Variants in DCAF5 observed in about 807,000 individuals in gnomAD.
DCAF5 encodes the protein DDB1 and CUL4 associated factor 5, also known as DDB1- and CUL4-associated factor 5.
A neutral mutation model predicts 80.7 loss-of-function variants in DCAF5; 9 were observed. The ratio of observed to expected loss-of-function variants is 0.11; its 90% CI spans 0.07 to 0.19. The LOEUF is 0.19. DCAF5 is among the 10% of genes least tolerant of loss of function. The pLI, the probability that DCAF5 is intolerant of heterozygous loss-of-function variation, is 1.00. For synonymous variants in DCAF5, 433 were observed against 461.9 expected (o/e 0.94, Z 0.80); for missense variants, 842 against 1,205.7 (o/e 0.70, Z 4.47).
intron 7 of DCAF5, among the ~76,000 whole-genome samples, chr14:69,066,228 G>A (rs1400314487): frequency 2.0e-5 from 3 of 151,256 alleles, no homozygotes; most frequent in African/African-American, 7.3e-5. Context: ...TCCTCCTCCT[G>A]GGTTCAAGCA....
rs181838625 is a variant in DCAF5 at position 69,076,187 on chromosome 14, G to T, written c.880-776C>A. On this transcript the variant is annotated intron_variant, in intron 6 of 8. Coordinates refer to ENST00000341516, the MANE Select transcript of DCAF5 (RefSeq NM_003861.3). ...TGAGAACCCTTGTGCATTGCTGGTG[G>T]GAATGACTAACGAACGGTGCAACTG... is the stretch of plus-strand genomic sequence containing the variant. Among the ~76,000 whole-genome samples the T allele has an allele frequency of 2.8e-3, 429 of 152,230 alleles. 4 individuals carry two copies. The highest frequency in any genetic ancestry group is 9.7e-3 in the African/African-American group (402 of 41,542).
chr14:69,130,521 TGTAATTAATA>T (rs2041010738), intron 1 of DCAF5, among the ~76,000 whole-genome samples: 1 of 152,158 alleles, frequency 6.6e-6, no homozygotes, highest in Non-Finnish European at 1.5e-5. Context: ...ATTACATGAA[TGTAATTAATA>T]CCACTGAACA....
chr14:69,140,198 C>T (rs1351366309), intron 1 of DCAF5, among the ~76,000 whole-genome samples: 1 of 151,300 alleles, frequency 6.6e-6, no homozygotes, highest in Non-Finnish European at 1.5e-5. Context: ...ACCCGGGAGG[C>T]GGAGGTTGCA....
intron 6 of DCAF5, among the ~76,000 whole-genome samples, chr14:69,076,676 TGAA>T (rs1324794977): frequency 6.6e-6 from 1 of 152,188 alleles, no homozygotes; most frequent in South Asian, 2.1e-4. Context: ...TCTGGGATGA[TGAA>T]GAAGTTCTGA....
chr14:69,062,615 G>A (rs2038261493), intron 7 of DCAF5, 104 bp from the exon 8 acceptor site: 4 of 1,290,698 alleles, frequency 3.1e-6, no homozygotes, highest in Non-Finnish European at 3.2e-6. Context: ...AAAGATTTTT[G>A]GATTATACCA....
At chr14:69,096,304 G>A (rs907225666) in intron 5 of DCAF5, among the ~76,000 whole-genome samples, 3 of 152,210 alleles carry the variant, frequency 2.0e-5, no homozygotes, top group Middle Eastern at 3.4e-3. Flanking sequence ...CAGAACTGTC[G>A]GACAACCAAC....
chr14:69,130,003 C>G (rs908673591), intron 1 of DCAF5, among the ~76,000 whole-genome samples: 6 of 152,232 alleles, frequency 3.9e-5, no homozygotes, highest in African/African-American at 1.4e-4. Flanking sequence ...ATTGTGGCAG[C>G]AGCTTTGTAG....
chr14:69,055,394 C>A lies in DCAF5; in HGVS notation c.1292G>T (p.Ser431Ile). The change falls in exon 9 of 9, where the codon AGC (serine) becomes ATC (isoleucine). Residue 431 changes from serine to isoleucine, a missense_variant. This residue lies in a region of DCAF5 where 607 missense variants were observed against 656.6 expected (regional missense o/e 0.92). Transcript: ENST00000341516. The surrounding 1 kb of genome is among the most constrained non-coding windows in gnomAD (Gnocchi z 5.6). ...ACTGAGGTCACTGTCTGAGTCAGAG[C>A]TCCAGCCCTCGATCTCTCGGCGTAC... is the stretch of plus-strand genomic sequence containing the variant. Reference protein sequence around the residue: ...SLVRREIEGWSSDSDSDLSES... With the variant: ...SLVRREIEGWISDSDSDLSES... 6.2e-7 allele frequency: 1 copy of A among 1,614,166 alleles called. No individual in the cohort carries two copies. The highest frequency in any genetic ancestry group is 8.5e-7 in the Non-Finnish European group (1 of 1,180,028).
At chr14:69,148,927 C>G (rs1180776329) in intron 1 of DCAF5, among the ~76,000 whole-genome samples, 2 of 152,186 alleles carry the variant, frequency 1.3e-5, no homozygotes, top group Non-Finnish European at 2.9e-5. Flanking sequence ...ACTTTCCACA[C>G]CACATTGTGC....
At chr14:69,103,157 A>G (rs549160234) in intron 5 of DCAF5, among the ~76,000 whole-genome samples, 1 of 152,274 alleles carries the variant, frequency 6.6e-6, no homozygotes, top group Admixed American at 6.5e-5. Flanking sequence ...AATGAGTGAA[A>G]AGTCCAGTTG....
intron 6 of DCAF5, among the ~76,000 whole-genome samples, chr14:69,076,275 A>G (rs1482944118): frequency 6.6e-6 from 1 of 152,232 alleles, no homozygotes; most frequent in Non-Finnish European, 1.5e-5. Context: ...ATGATGCAGC[A>G]ATTACAATCC....
chr14:69,122,643 T>C (rs2040756787), intron 1 of DCAF5, among the ~76,000 whole-genome samples: 2 of 152,196 alleles, frequency 1.3e-5, no homozygotes, highest in African/African-American at 4.8e-5. Context: ...TTCCTGTCTT[T>C]CCAGAGTTGT....
intron 5 of DCAF5, among the ~76,000 whole-genome samples, chr14:69,107,036 T>G (rs960685345): frequency 2.8e-5 from 4 of 143,262 alleles, no homozygotes; most frequent in African/African-American, 1.0e-4. Context: ...AGCAAGACTT[T>G]GTCTCAAAAA....
Position 69,052,903 on chromosome 14 carries a change from C to T in DCAF5, c.*954G>A, listed in dbSNP as rs1365914204. 6.6e-6 allele frequency: 1 copy of T among 152,240 alleles called. No individual in the cohort carries two copies. The allele number at this position is 152,240 out of a possible 1,614,324, so 9.4% of individuals were successfully genotyped here. A position where few individuals can be genotyped will look rare whatever the true frequency, so the allele number is the denominator to read the frequency against. On this transcript the variant is annotated 3_prime_UTR_variant, in exon 9 of 9. Transcript: ENST00000341516. Reference sequence around the variant, plus strand: ...GCTCCTCACTAAGCTTCTTCGTTAACACACCTATAACAACTACTTTAGTAG... The same window carrying T: ...GCTCCTCACTAAGCTTCTTCGTTAATACACCTATAACAACTACTTTAGTAG...
At chr14:69,085,243 C>A in intron 6 of DCAF5, 1 of 711,388 alleles carries the variant, frequency 1.4e-6, no homozygotes, top group Non-Finnish European at 2.6e-6. Flanking sequence ...CTTTGTTGAT[C>A]TGAACGTCAA....
chr14:69,126,128 A>C (rs1230290193), intron 1 of DCAF5, among the ~76,000 whole-genome samples: 1 of 152,118 alleles, frequency 6.6e-6, no homozygotes, highest in Non-Finnish European at 1.5e-5. Context: ...GAACAAAATC[A>C]AAGAACTAAA....
intron 7 of DCAF5, among the ~76,000 whole-genome samples, chr14:69,065,573 T>C (rs939281505): frequency 2.0e-5 from 3 of 152,210 alleles, no homozygotes; most frequent in African/African-American, 7.2e-5. Context: ...CAAGACTGTG[T>C]ACAATCATAG....
intron 7 of DCAF5, among the ~76,000 whole-genome samples, chr14:69,063,286 T>G (rs1594933240): frequency 6.6e-6 from 1 of 152,230 alleles, no homozygotes; most frequent in Non-Finnish European, 1.5e-5. Flanking sequence ...CTGGAACTTG[T>G]AACATAGATA....
intron 6 of DCAF5, chr14:69,089,501 C>T (rs1417388632): frequency 6.6e-6 from 1 of 152,166 alleles, no homozygotes; most frequent in Non-Finnish European, 1.5e-5. Context: ...CCATAAAACT[C>T]TTCCCATAGG....
Sources: gnomAD v4.1 joint callset for allele counts (sites outside exome capture counted in the v4.1 genomes callset) on GRCh38, gnomAD v4.1.1 for gene constraint, gnomAD v4.1.1 regional missense constraint, Gnocchi (gnomAD v3.1) non-coding constraint, MANE v1.5 for transcripts, NCBI Gene and HGNC (gene_info 2026-07-23, HGNC 2026-07-21) for gene names.